The following KATNIP variants were observed in gnomAD, a reference collection of about 807,000 sequenced individuals.
KATNIP encodes katanin-interacting protein.
Under a neutral mutation model 174.0 loss-of-function variants are expected in KATNIP, and 126 were observed. The observed-to-expected ratio is 0.72, with a 90% CI of 0.63 to 0.84. The LOEUF (loss-of-function observed/expected upper bound fraction) is 0.84, where lower values mean the gene tolerates loss of function less well. Among genes scored for constraint, KATNIP ranks in the 40% least tolerant of loss-of-function variants. KATNIP has a pLI of 0.00. For missense variants in KATNIP, 1,958 were observed against 2,109.7 expected, an observed-to-expected ratio of 0.93 and a Z score of 1.41; for synonymous variants, 810 against 835.7, an observed-to-expected ratio of 0.97 and a Z score of 0.53.
intron 13 of KATNIP, among the ~76,000 whole-genome samples, chr16:27,712,591 G>A (rs1472126692): frequency 3.9e-5 from 6 of 152,266 alleles, no homozygotes; most frequent in South Asian, 4.1e-4. Context: ...GTGAATTGGA[G>A]CATTCAAAAG....
At chr16:27,744,901 T>A (rs2143655979) in intron 15 of KATNIP, among the ~76,000 whole-genome samples, 1 of 152,102 alleles carries the variant, frequency 6.6e-6, no homozygotes, top group Admixed American at 6.5e-5. Context: ...GGTGACAGAA[T>A]GAGACTCTGT....
At chr16:27,586,355 C>T (rs1422359857) in intron 2 of KATNIP, among the ~76,000 whole-genome samples, 1 of 152,122 alleles carries the variant, frequency 6.6e-6, no homozygotes, top group Admixed American at 6.6e-5. Context: ...TGCTTGCAAT[C>T]CTAGCATTTT....
intron 2 of KATNIP, among the ~76,000 whole-genome samples, chr16:27,602,492 A>C (rs1182155494): frequency 6.6e-6 from 1 of 152,138 alleles, no homozygotes; most frequent in African/African-American, 2.4e-5. Context: ...TGCCATCTGA[A>C]AGCCCCTTTT....
At chr16:27,750,331 C>T in intron 16 of KATNIP, 25 bp downstream of exon 16, 6 of 1,578,304 alleles carry the variant, frequency 3.8e-6, no homozygotes, top group Non-Finnish European at 5.2e-6. Context: ...TAAGAATTTT[C>T]TCAGAGCCCC....
intron 1 of KATNIP, among the ~76,000 whole-genome samples, chr16:27,560,782 G>A (rs1276489245): frequency 6.6e-6 from 1 of 152,188 alleles, no homozygotes; most frequent in Admixed American, 6.6e-5. Flanking sequence ...CCCTCTTTGA[G>A]GGTAGAGACT....
chr16:27,646,874 T>G (rs966682456), intron 5 of KATNIP, among the ~76,000 whole-genome samples: 4 of 152,324 alleles, frequency 2.6e-5, no homozygotes, highest in African/African-American at 9.6e-5. Flanking sequence ...ATCCTCCAGA[T>G]GTTGCTTTCC....
chr16:27,601,036 G>A (rs1277183521), intron 2 of KATNIP, among the ~76,000 whole-genome samples: 1 of 152,102 alleles, frequency 6.6e-6, no homozygotes, highest in African/African-American at 2.4e-5. Flanking sequence ...CCCAACCTCA[G>A]TTGCCTCCTC....
intron 1 of KATNIP, among the ~76,000 whole-genome samples, chr16:27,553,946 C>G (rs1447531097): frequency 7.7e-6 from 1 of 130,056 alleles, no homozygotes; most frequent in East Asian, 2.4e-4. Flanking sequence ...AAGACCTTGT[C>G]TAGAGAGAGA....
chr16:27,624,816 G>T (rs2076287523), intron 3 of KATNIP, among the ~76,000 whole-genome samples: 1 of 151,948 alleles, frequency 6.6e-6, no homozygotes, highest in South Asian at 2.1e-4. Context: ...CAAGACCCGG[G>T]AAAAAAAGAA....
chr16:27,690,363 T>TAGATAGATAGATGATAGATAGATAGATA, intron 8 of KATNIP, among the ~76,000 whole-genome samples: 1 of 91,042 alleles, frequency 1.1e-5, no homozygotes, highest in African/African-American at 4.7e-5. Flanking sequence ...GATAGATAGA[T>TAGATAGATAGATGATAGATAGATAGATA]GATAGATAGA....
intron 6 of KATNIP, chr16:27,669,352 C>T: frequency 1.0e-6 from 1 of 975,486 alleles, no homozygotes; most frequent in Non-Finnish European, 1.2e-6. Flanking sequence ...TGTGCAGTCC[C>T]TGTCATCCGA....
In KATNIP at chr16:27,740,614, C is replaced by T. The variant is rs549769815; in HGVS notation, c.2317C>T (p.Pro773Ser). The part of the protein sequence containing the change: ...DRKQGGRKPK[P>S]LWLSPEKPLA... ...GAAGCAGGGAGGCAGGAAGCCAAAA[C>T]CCCTCTGGCTTAGTCCCGAGAAGCC... is the stretch of plus-strand genomic sequence containing the variant. The change falls in exon 15 of 28, where the codon CCC (proline) becomes TCC (serine). Residue 773 changes from proline (P) to serine (S), a missense_variant. Physicochemically the swap from Pro to Ser is moderately conservative, Grantham distance 74. Transcript: ENST00000261588. The T allele has an allele frequency of 1.2e-6, 2 of 1,614,230 alleles. No homozygotes were observed. Among genetic ancestry groups the T allele is most frequent in the Middle Eastern group, 1.6e-4 (1 of 6,062 alleles).
intron 22 of KATNIP, 83 bp from the exon 23 acceptor site, chr16:27,773,016 C>A (rs2144227021): frequency 1.3e-6 from 1 of 762,548 alleles, no homozygotes; most frequent in Non-Finnish European, 2.2e-6. Flanking sequence ...AAACCCAAAA[C>A]AATTCCTCTT....
At chr16:27,558,952 G>T (rs184951746) in intron 1 of KATNIP, among the ~76,000 whole-genome samples, 7 of 152,340 alleles carry the variant, frequency 4.6e-5, no homozygotes, top group Non-Finnish European at 4.4e-5. Context: ...CCAGTGTGTG[G>T]CCAGGTTCTC....
At chr16:27,582,794 G>C (rs1184085010) in intron 2 of KATNIP, among the ~76,000 whole-genome samples, 1 of 152,158 alleles carries the variant, frequency 6.6e-6, no homozygotes, top group East Asian at 1.9e-4. Context: ...AAGTGCTTAG[G>C]ATGGAACCTG....
At chr16:27,556,649 A>G (rs1185026253) in intron 1 of KATNIP, among the ~76,000 whole-genome samples, 3 of 152,214 alleles carry the variant, frequency 2.0e-5, no homozygotes, top group Non-Finnish European at 4.4e-5. Context: ...GACTGCAAAC[A>G]GGTGATGGTT....
At chr16:27,700,051 C>T (rs1037586342) in intron 10 of KATNIP, among the ~76,000 whole-genome samples, 2 of 152,168 alleles carry the variant, frequency 1.3e-5, no homozygotes, top group Admixed American at 6.6e-5. Flanking sequence ...GCTGGGATTA[C>T]AGGCGCACAG....
intron 14 of KATNIP, among the ~76,000 whole-genome samples, chr16:27,737,545 G>A (rs1342598191): frequency 6.6e-6 from 1 of 152,136 alleles, no homozygotes; most frequent in Non-Finnish European, 1.5e-5. Flanking sequence ...CACCTGGAGA[G>A]CAAGGGAAGA....
chr16:27,656,068 A>G (rs376239933), intron 6 of KATNIP, among the ~76,000 whole-genome samples: 1 of 152,314 alleles, frequency 6.6e-6, no homozygotes, highest in East Asian at 1.9e-4. Flanking sequence ...TCCAGTGAGG[A>G]AACAGCCAGA....
Sources: allele counts gnomAD v4.1 joint callset (sites outside exome capture counted in the v4.1 genomes callset), GRCh38; gene constraint gnomAD v4.1.1; transcripts MANE v1.5; gene names NCBI Gene and HGNC (gene_info 2026-07-23, HGNC 2026-07-21).